The following SLC2A13 variants were observed in gnomAD, a reference collection of about 807,000 sequenced individuals.
The protein encoded by SLC2A13 is solute carrier family 2 member 13.
SLC2A13 carries 32 observed loss-of-function variants against 64.4 expected under a neutral mutation model. That is an observed-to-expected ratio of 0.50 (90% CI 0.37 to 0.67). SLC2A13 has a LOEUF of 0.67. Ranked by LOEUF, SLC2A13 falls within the 30% of genes least tolerant of loss-of-function variation. SLC2A13 has a pLI of 0.00. For synonymous variants in SLC2A13, 338 were observed against 327.1 expected (o/e 1.03, Z -0.36); for missense variants, 743 against 829.2 (o/e 0.90, Z 1.28).
intron 4 of SLC2A13, among the ~76,000 whole-genome samples, chr12:39,895,516 ATATAT>A (rs1565525690): frequency 8.2e-4 from 1 of 1,220 alleles, no homozygotes; most frequent in Non-Finnish European, 1.7e-3. Context: ...AAAAAAAATT[ATATAT>A]ATATATATAT....
intron 7 of SLC2A13, among the ~76,000 whole-genome samples, chr12:39,817,422 T>C (rs1942368548): frequency 1.6e-5 from 2 of 128,832 alleles, no homozygotes; most frequent in South Asian, 2.3e-4. Flanking sequence ...TTGTGGGTCA[T>C]CTGCTCCACA....
intron 2 of SLC2A13, among the ~76,000 whole-genome samples, chr12:40,031,618 C>T (rs530375878): frequency 3.9e-5 from 6 of 152,140 alleles, no homozygotes; most frequent in Non-Finnish European, 7.4e-5. Flanking sequence ...AGAGGATGCT[C>T]GGAAAAAATG....
intron 2 of SLC2A13, among the ~76,000 whole-genome samples, chr12:40,041,810 C>A (rs368493316): frequency 6.6e-6 from 1 of 152,234 alleles, no homozygotes; most frequent in South Asian, 2.1e-4. Context: ...CCGTAGTGAT[C>A]TTTGACTCCT....
Position 39,758,866 on chromosome 12 carries a change from T to TA in SLC2A13, c.*1159dup, listed in dbSNP as rs1386428320. ...TAAAAACGAGTTTATGCTCTTAAAGTAAAAAAAGACAAGTACAATTAAATA... is the reference window on the plus strand; with the variant it reads ...TAAAAACGAGTTTATGCTCTTAAAGTAAAAAAAAGACAAGTACAATTAAATA... On this transcript the variant is annotated 3_prime_UTR_variant, in exon 10 of 10. Coordinates refer to ENST00000280871, the MANE Select transcript of SLC2A13 (RefSeq NM_052885.4). 4 of 151,152 alleles carry TA rather than the reference T, an allele frequency of 2.6e-5. No homozygotes were observed. The highest frequency in any genetic ancestry group is 5.9e-5 in the Non-Finnish European group (4 of 67,620). The allele number at this position is 151,152 out of a possible 1,614,324, so 9.4% of individuals were successfully genotyped here.
Position 39,781,753 on chromosome 12 carries a change from G to GT in SLC2A13, c.1446-16896dup, listed in dbSNP as rs1364090681. ...AGCATACAACATAAAAGAGATATTA[G>GT]TAGACATTTGTCGTGCTTCTCTTTA... On this transcript the variant is annotated intron_variant, in intron 7 of 9. Transcript: ENST00000280871. Among the ~76,000 whole-genome samples the GT allele has an allele frequency of 4.6e-5, 7 of 152,270 alleles. No individual in the cohort carries two copies. In the East Asian group the frequency reaches 1.4e-3, roughly 29 times the overall value.
At chr12:39,942,306 G>A (rs1946045294) in intron 4 of SLC2A13, among the ~76,000 whole-genome samples, 1 of 152,104 alleles carries the variant, frequency 6.6e-6, no homozygotes, top group Non-Finnish European at 1.5e-5. Flanking sequence ...TTGGCAGTAT[G>A]GTCATGTTCA....
intron 4 of SLC2A13, among the ~76,000 whole-genome samples, chr12:39,886,938 G>A (rs1224644019): frequency 2.0e-5 from 3 of 152,122 alleles, no homozygotes; most frequent in Admixed American, 2.0e-4. Context: ...AAATCATTCA[G>A]TCATCAAAAA....
At chr12:39,952,386 T>C (rs956133960) in intron 3 of SLC2A13, among the ~76,000 whole-genome samples, 1 of 152,190 alleles carries the variant, frequency 6.6e-6, no homozygotes, top group African/African-American at 2.4e-5. Context: ...GTTAATGAAC[T>C]CTAAACCAAG....
chr12:39,855,569 G>A (rs1294614637), intron 6 of SLC2A13, among the ~76,000 whole-genome samples: 1 of 152,190 alleles, frequency 6.6e-6, no homozygotes, highest in Non-Finnish European at 1.5e-5. Context: ...TGAGGAGGAA[G>A]GCTGTTTTTT....
chr12:39,988,032 G>A (rs915942025), intron 3 of SLC2A13, among the ~76,000 whole-genome samples: 3 of 152,004 alleles, frequency 2.0e-5, no homozygotes, highest in African/African-American at 7.3e-5. Context: ...ATCCCCTATT[G>A]ATAAATGTTT....
chr12:39,896,061 T>C (rs1944819943), intron 4 of SLC2A13, among the ~76,000 whole-genome samples: 1 of 111,280 alleles, frequency 9.0e-6, no homozygotes, highest in Non-Finnish European at 1.8e-5. Context: ...TATATATGCA[T>C]ACATATATGT....
chr12:40,058,096 T>TTA (rs1948363480), intron 1 of SLC2A13, among the ~76,000 whole-genome samples: 1 of 139,342 alleles, frequency 7.2e-6, no homozygotes, highest in Non-Finnish European at 1.6e-5. Context: ...TAGATTGATT[T>TTA]ACTATATATA....
chr12:39,932,274 C>T (rs116316343), intron 4 of SLC2A13, among the ~76,000 whole-genome samples: 2,384 of 152,218 alleles, frequency 0.016, 57 homozygotes, highest in African/African-American at 0.053. Flanking sequence ...AAATAAAGTA[C>T]AGTACAATAG....
At chr12:39,998,279 A>G (rs549870561) in intron 3 of SLC2A13, among the ~76,000 whole-genome samples, 37 of 152,380 alleles carry the variant, frequency 2.4e-4, no homozygotes, top group African/African-American at 8.7e-4. Flanking sequence ...ATAAATATTC[A>G]GGAATGGAAA....
intron 1 of SLC2A13, among the ~76,000 whole-genome samples, chr12:40,100,215 C>T (rs971691787): frequency 7.2e-5 from 11 of 152,192 alleles, no homozygotes; most frequent in African/African-American, 2.7e-4. Context: ...GAGGCTGACA[C>T]AGGAGAAACT....
chr12:40,008,382 C>T (rs928732887), intron 3 of SLC2A13, among the ~76,000 whole-genome samples: 9 of 152,016 alleles, frequency 5.9e-5, no homozygotes, highest in Admixed American at 1.3e-4. Flanking sequence ...CCAAGGCAGG[C>T]GGATCATGAA....
intron 1 of SLC2A13, among the ~76,000 whole-genome samples, chr12:40,084,275 C>A (rs1565620752): frequency 6.6e-6 from 1 of 152,214 alleles, no homozygotes; most frequent in Non-Finnish European, 1.5e-5. Flanking sequence ...CTCTCAAGTA[C>A]TTACCTGTGT....
intron 4 of SLC2A13, among the ~76,000 whole-genome samples, chr12:39,905,992 T>C (rs192018496): frequency 6.6e-6 from 1 of 152,270 alleles, no homozygotes; most frequent in East Asian, 1.9e-4. Flanking sequence ...TATTGAAATA[T>C]AACAGCTGAT....
chr12:39,801,543 A>G (rs930016812), intron 7 of SLC2A13, among the ~76,000 whole-genome samples: 1 of 152,286 alleles, frequency 6.6e-6, no homozygotes, highest in African/African-American at 2.4e-5. Context: ...TCCATTTAAG[A>G]TTATTTTAAA....
Sources: gnomAD v4.1 joint callset for allele counts (sites outside exome capture counted in the v4.1 genomes callset) on GRCh38, gnomAD v4.1.1 for gene constraint, MANE v1.5 for transcripts, NCBI Gene and HGNC (gene_info 2026-07-23, HGNC 2026-07-21) for gene names.